SNTA1: variants seen among roughly 807,000 people sequenced by gnomAD.
The protein encoded by SNTA1 is alpha-1-syntrophin.
SNTA1 carries 31 observed loss-of-function variants against 47.1 expected under a neutral mutation model. That is an observed-to-expected ratio of 0.66 (90% CI 0.49 to 0.89). The LOEUF (loss-of-function observed/expected upper bound fraction) is 0.89, where lower values mean the gene tolerates loss of function less well. SNTA1 is among the 40% of genes least tolerant of loss of function. The pLI, the probability that SNTA1 is intolerant of heterozygous loss-of-function variation, is 0.00. For missense variants in SNTA1, 575 were observed against 693.0 expected (o/e 0.83, Z 1.91); for synonymous variants, 300 against 313.6 (o/e 0.96, Z 0.46).
chr20:33,431,048 A>C (rs1485033894), intron 2 of SNTA1, among the ~76,000 whole-genome samples: 1 of 152,064 alleles, frequency 6.6e-6, no homozygotes, highest in Non-Finnish European at 1.5e-5. Flanking sequence ...ACTTGAGTCC[A>C]GGAGTTTGAG....
intron 5 of SNTA1, among the ~76,000 whole-genome samples, chr20:33,411,368 T>C (rs1989737529): frequency 7.1e-6 from 1 of 140,996 alleles, no homozygotes; most frequent in Non-Finnish European, 1.5e-5. Context: ...CCAAACCTCC[T>C]GTTCATTCCG....
intron 2 of SNTA1, among the ~76,000 whole-genome samples, chr20:33,435,985 G>A (rs1285719804): frequency 6.6e-6 from 1 of 152,034 alleles, no homozygotes; most frequent in Non-Finnish European, 1.5e-5. Flanking sequence ...ACAAGGTCAG[G>A]AGATCGAGAC....
chr20:33,421,469 G>C (rs1990019601), intron 2 of SNTA1, among the ~76,000 whole-genome samples: 1 of 151,572 alleles, frequency 6.6e-6, no homozygotes, highest in South Asian at 2.1e-4. Flanking sequence ...AAATTAGCCA[G>C]GCCATGGTAG....
intron 1 of SNTA1, 83 bp from the exon 2 acceptor site, chr20:33,439,109 G>A: frequency 7.9e-7 from 1 of 1,262,018 alleles, no homozygotes; most frequent in Non-Finnish European, 1.2e-6. Flanking sequence ...TATTTCTGAA[G>A]GCTTCCCTTG....
At chr20:33,429,281 G>A (rs1487607966) in intron 2 of SNTA1, among the ~76,000 whole-genome samples, 1 of 125,606 alleles carries the variant, frequency 8.0e-6, no homozygotes. Flanking sequence ...AGGTTTGATT[G>A]AGCCAAGATA....
chr20:33,442,036 A>C (rs115261264), intron 1 of SNTA1, among the ~76,000 whole-genome samples: 84 of 152,308 alleles, frequency 5.5e-4, no homozygotes, highest in Middle Eastern at 6.8e-3. Context: ...GTAGCTGATA[A>C]TTAAGGTTCA....
At chr20:33,435,026 CTT>C (rs1289856145) in intron 2 of SNTA1, among the ~76,000 whole-genome samples, 2 of 104,446 alleles carry the variant, frequency 1.9e-5, no homozygotes, top group African/African-American at 3.7e-5. Context: ...GATTCTTGCT[CTT>C]GTCGCCCAGG....
At chr20:33,408,623 G>T in intron 7 of SNTA1, 24 bp from the exon 8 acceptor site, 2 of 1,611,982 alleles carry the variant, frequency 1.2e-6, no homozygotes, top group Non-Finnish European at 1.7e-6. Context: ...GGAGAGAAGA[G>T]TCAGGGCCCT....
chr20:33,408,776 G>A lies in SNTA1; in HGVS notation c.1350C>T (p.Phe450=), dbSNP rs116747979. ...AARAVLLRQP[F]EKLQMSSDDG... is the part of the protein sequence containing the mutation. ...CATCTGAAGACATCTGCAGCTTCTC[G>A]AAGGGCTGTCGCAGGAGCACAGCTC... The change falls in exon 7 of 8, where the codon TTC becomes TTT. Residue 450 remains phenylalanine (F), a synonymous_variant. Transcript: ENST00000217381. 3,340 of 1,614,120 alleles carry A rather than the reference G, an allele frequency of 2.1e-3. 59 individuals carry two copies. In the African/African-American group the frequency reaches 0.039, roughly 19 times the overall value.
rs1990642504 is a variant in SNTA1, at chr20:33,443,749, T to G, written c.-129A>C. The G allele has an allele frequency of 4.0e-5, 17 of 420,980 alleles. No homozygotes were observed. Among genetic ancestry groups the G allele is most frequent in the East Asian group, 1.6e-4 (2 of 12,172 alleles). The allele number at this position is 420,980 out of a possible 1,614,324, so 26.1% of individuals were successfully genotyped here. The stretch of plus-strand genomic sequence containing the variant: ...CCAGCCGCCACCCTACCCCGGCCGC[T>G]GGGGGAGGAGCTCTGGGGGCGGGGC... On this transcript the variant is annotated 5_prime_UTR_variant, in exon 1 of 8. Transcript: ENST00000217381.
At chr20:33,430,596 G>T (rs187378529) in intron 2 of SNTA1, among the ~76,000 whole-genome samples, 2 of 151,892 alleles carry the variant, frequency 1.3e-5, no homozygotes, top group East Asian at 3.9e-4. Context: ...TATTTAATGG[G>T]TGAGTAAACT....
chr20:33,439,795 G>A (rs1990535098), intron 1 of SNTA1, among the ~76,000 whole-genome samples: 1 of 152,082 alleles, frequency 6.6e-6, no homozygotes, highest in African/African-American at 2.4e-5. Flanking sequence ...GACCAGCCTG[G>A]CCAACATAGC....
intron 3 of SNTA1, among the ~76,000 whole-genome samples, chr20:33,416,066 C>A (rs936711968): frequency 6.6e-6 from 1 of 152,122 alleles, no homozygotes; most frequent in Non-Finnish European, 1.5e-5. Flanking sequence ...CAAGATTACA[C>A]CACTGCACTC....
intron 2 of SNTA1, among the ~76,000 whole-genome samples, chr20:33,420,983 C>CA (rs1330428300): frequency 6.8e-4 from 79 of 116,040 alleles, no homozygotes; most frequent in Middle Eastern, 4.3e-3. Flanking sequence ...GACCCCGTCT[C>CA]AAAAAAAAAA....
chr20:33,425,529 G>A (rs900987785), intron 2 of SNTA1, among the ~76,000 whole-genome samples: 27 of 152,116 alleles, frequency 1.8e-4, no homozygotes, highest in South Asian at 2.1e-4. Flanking sequence ...AGGTGTGGTA[G>A]TGTGCAGCTA....
Position 33,443,584 on chromosome 20 carries a change from G to A in SNTA1, c.37C>T (p.Leu13=). ...GAGCCCGCCCCGGCGCGCAGCTCCA[G>A]CAGCCCGGTGCGCGGGGCGCGCCTG... ...SGRRAPRTGL[L]ELRAGAGSGA... Residue 13 remains leucine, a synonymous_variant, in exon 1 of 8, where the codon CTG becomes TTG. Transcript: ENST00000217381. 7.9e-7 allele frequency: 1 copy of A among 1,269,862 alleles called. No homozygotes were observed. The highest frequency in any genetic ancestry group is 9.9e-7 in the Non-Finnish European group (1 of 1,006,452). 78.7% of individuals were successfully genotyped at this position (1,269,862 alleles called of 1,614,324 possible).
chr20:33,418,969 C>T (rs1964570), intron 2 of SNTA1, among the ~76,000 whole-genome samples: 3,265 of 151,946 alleles, frequency 0.021, 236 homozygotes, highest in Admixed American at 0.14. Flanking sequence ...CAAAGGTTAG[C>T]TGGGCAGGGT....
rs571737210 is a variant in SNTA1, at chr20:33,408,821, C to T, written c.1305G>A (p.Ala435=). Residue 435 remains alanine (A), a synonymous_variant, in exon 7 of 8, where the codon GCG becomes GCA. Transcript: ENST00000217381. ...VHIDKGFTLW[A]AEPGAARAVL... ...CAGCTCGGGCTGCACCTGGCTCAGC[C>T]GCCCACAGTGTGAAGCCCTTGTCGA... 2.3e-5 allele frequency: 37 copies of T among 1,614,164 alleles called. No homozygotes were observed. The highest frequency in any genetic ancestry group is 6.6e-5 in the South Asian group (6 of 91,080).
intron 2 of SNTA1, among the ~76,000 whole-genome samples, chr20:33,437,428 GAAAA>G (rs5841143): frequency 2.5e-5 from 3 of 121,050 alleles, no homozygotes; most frequent in Non-Finnish European, 3.5e-5. Context: ...ACCCTGTCTC[GAAAA>G]AAAAAAAAAA....
Sources: allele counts gnomAD v4.1 joint callset (sites outside exome capture counted in the v4.1 genomes callset), GRCh38; gene constraint gnomAD v4.1.1; transcripts MANE v1.5; gene names NCBI Gene and HGNC (gene_info 2026-07-23, HGNC 2026-07-21).